YPEL1: variants seen among roughly 807,000 people sequenced by gnomAD.
YPEL1 encodes the protein yippee like 1, also known as protein yippee-like 1.
Under a neutral mutation model 17.3 loss-of-function variants are expected in YPEL1, and 7 were observed. The ratio of observed to expected loss-of-function variants is 0.40; its 90% CI spans 0.23 to 0.76. The LOEUF (loss-of-function observed/expected upper bound fraction) is 0.76, where lower values mean the gene tolerates loss of function less well. Ranked by LOEUF, YPEL1 falls within the 30% of genes least tolerant of loss-of-function variation. YPEL1 has a pLI of 0.35. For synonymous variants in YPEL1, 59 were observed against 59.6 expected, an observed-to-expected ratio of 0.99 and a Z score of 0.05; for missense variants, 91 against 155.5, an observed-to-expected ratio of 0.59 and a Z score of 2.21.
At chr22:21,711,012 G>T in intron 1 of YPEL1, 104 bp from the exon 2 acceptor site, 1 of 392,006 alleles carries the variant, frequency 2.6e-6, no homozygotes, top group Non-Finnish European at 4.7e-6. Context: ...GGGTGGGGGG[G>T]TGGCAGGACT....
chr22:21,726,552 G>A (rs772279653), intron 1 of YPEL1, among the ~76,000 whole-genome samples: 2 of 152,192 alleles, frequency 1.3e-5, no homozygotes, highest in Non-Finnish European at 2.9e-5. Context: ...GTCCCCAGGA[G>A]GGAGGGGACC....
intron 2 of YPEL1, among the ~76,000 whole-genome samples, chr22:21,706,295 G>A (rs1381505831): frequency 6.6e-6 from 1 of 151,586 alleles, no homozygotes; most frequent in East Asian, 1.9e-4. Flanking sequence ...TGGGCATGGT[G>A]GTGCGTGCCT....
chr22:21,732,963 T>A (rs547138745), intron 1 of YPEL1, among the ~76,000 whole-genome samples: 11 of 151,970 alleles, frequency 7.2e-5, no homozygotes, highest in South Asian at 4.2e-4. Flanking sequence ...AATTTTTTTT[T>A]TATATAGCTG....
In YPEL1 at chr22:21,703,357, T is replaced by G; in HGVS notation, c.270+13A>C. 1 of 1,611,904 alleles carries G rather than the reference T, an allele frequency of 6.2e-7. No homozygotes were observed. The highest frequency in any genetic ancestry group is 2.2e-5 in the East Asian group (1 of 44,870). ...ATCCCCTTGTGGCACGAGCATCCCC[T>G]TGTGGCACTCACGTATTTCCACCCG... On this transcript the variant is annotated intron_variant, in intron 4 of 4. Transcript: ENST00000339468. This position sits in a 1 kb window ranked among gnomAD's most constrained non-coding sequence, Gnocchi z 6.1.
intron 2 of YPEL1, 101 bp downstream of exon 2, chr22:21,710,527 G>A (rs2068154040): frequency 1.9e-6 from 2 of 1,026,440 alleles, no homozygotes; most frequent in Non-Finnish European, 3.1e-6. Flanking sequence ...GGACACAGCA[G>A]ACTCAGGAAG....
At chr22:21,724,202 C>T (rs1017141243) in intron 1 of YPEL1, among the ~76,000 whole-genome samples, 15 of 152,140 alleles carry the variant, frequency 9.9e-5, no homozygotes, top group African/African-American at 3.6e-4. Context: ...CTTCAAACCT[C>T]ATCACACTCT....
chr22:21,715,499 AAACAAC>A (rs369930686), intron 1 of YPEL1, among the ~76,000 whole-genome samples: 1,789 of 152,112 alleles, frequency 0.012, 16 homozygotes, highest in South Asian at 0.037. Context: ...TCTCAAGAAA[AAACAAC>A]AACAACAAAC....
At chr22:21,701,897 A>T (rs2068070211) in intron 4 of YPEL1, among the ~76,000 whole-genome samples, 1 of 152,152 alleles carries the variant, frequency 6.6e-6, no homozygotes, top group South Asian at 2.1e-4. Context: ...CTTCTACAAA[A>T]ATCAAAAACT....
chr22:21,717,200 AC>A (rs779657522), intron 1 of YPEL1, among the ~76,000 whole-genome samples: 3 of 151,856 alleles, frequency 2.0e-5, no homozygotes, highest in Non-Finnish European at 2.9e-5. Flanking sequence ...ACACGGTGAA[AC>A]CCCGTCTCTA....
At chr22:21,716,909 A>G (rs2068229132) in intron 1 of YPEL1, among the ~76,000 whole-genome samples, 1 of 152,198 alleles carries the variant, frequency 6.6e-6, no homozygotes, top group Non-Finnish European at 1.5e-5. Flanking sequence ...GCTTGAGAGT[A>G]TATGTAACCA....
intron 1 of YPEL1, among the ~76,000 whole-genome samples, chr22:21,724,950 C>G (rs1230293740): frequency 1.3e-5 from 2 of 151,734 alleles, no homozygotes; most frequent in African/African-American, 4.8e-5. Context: ...TCTTTCCGCC[C>G]AGGCTCGAGT....
intron 1 of YPEL1, among the ~76,000 whole-genome samples, chr22:21,725,835 GA>G (rs67157672): frequency 0.88 from 124,450 of 140,972 alleles, 55,177 homozygotes; most frequent in Non-Finnish European, 0.93. Context: ...TCTACCAAAG[GA>G]AAAAAAAAAA....
intron 1 of YPEL1, among the ~76,000 whole-genome samples, chr22:21,714,758 T>C (rs1217308349): frequency 1.3e-5 from 2 of 152,188 alleles, no homozygotes; most frequent in Non-Finnish European, 2.9e-5. Context: ...TCCCGCCAAC[T>C]TGATATGGTC....
chr22:21,729,980 C>T (rs1373046833), intron 1 of YPEL1, among the ~76,000 whole-genome samples: 1 of 151,848 alleles, frequency 6.6e-6, no homozygotes, highest in Non-Finnish European at 1.5e-5. Context: ...GGTGAAACCT[C>T]GTCTCTACTA....
At position 21,703,885 on chromosome 22, in the gene YPEL1, G is replaced by A. The variant is rs760710301; in HGVS notation, c.118-3C>T. ...CGTCCCTGGCTCCCCTGAAAGGACT[G>A]AAAGAAGAAGGTCCCGTGAGATTGG... is the stretch of plus-strand genomic sequence containing the variant. On this transcript the variant is annotated splice_polypyrimidine_tract_variant and splice_region_variant and intron_variant, in intron 2 of 4. Coordinates refer to ENST00000339468, the MANE Select transcript of YPEL1 (RefSeq NM_013313.5). The surrounding 1 kb of genome is among the most constrained non-coding windows in gnomAD (Gnocchi z 6.1). 10 of 1,597,354 alleles carry A rather than the reference G, an allele frequency of 6.3e-6. No homozygotes were observed. The Admixed American group carries it at 1.7e-4, about 28-fold the overall frequency.
chr22:21,724,674 G>A (rs1369077680), intron 1 of YPEL1, among the ~76,000 whole-genome samples: 4 of 151,004 alleles, frequency 2.6e-5, no homozygotes, highest in Non-Finnish European at 4.4e-5. Flanking sequence ...TCTGCCTTCC[G>A]GGTTCAAGTG....
chr22:21,714,298 C>T (rs1287831163), intron 1 of YPEL1, among the ~76,000 whole-genome samples: 2 of 152,222 alleles, frequency 1.3e-5, no homozygotes, highest in Admixed American at 1.3e-4. Flanking sequence ...CGCTGCTGTG[C>T]CCTTCCTTGG....
At chr22:21,706,866 T>A (rs568244750) in intron 2 of YPEL1, among the ~76,000 whole-genome samples, 19 of 151,538 alleles carry the variant, frequency 1.3e-4, no homozygotes, top group East Asian at 7.8e-4. Context: ...AATAAATAAA[T>A]AAAAATAAAA....
intron 1 of YPEL1, among the ~76,000 whole-genome samples, chr22:21,733,502 G>T (rs974480633): frequency 6.6e-6 from 1 of 152,112 alleles, no homozygotes; most frequent in Non-Finnish European, 1.5e-5. Context: ...GGGAGGCAAG[G>T]GGGGAGGATC....
Sources: gnomAD v4.1 joint callset for allele counts (sites outside exome capture counted in the v4.1 genomes callset) on GRCh38, gnomAD v4.1.1 for gene constraint, Gnocchi (gnomAD v3.1) non-coding constraint, MANE v1.5 for transcripts, NCBI Gene and HGNC (gene_info 2026-07-23, HGNC 2026-07-21) for gene names.